Variants in ULK4 observed in about 807,000 individuals in gnomAD.
The protein encoded by ULK4 is unc-51 like kinase 4, also known as inactive serine/threonine-protein kinase ULK4.
ULK4 carries 133 observed loss-of-function variants against 160.6 expected under a neutral mutation model. That is an observed-to-expected ratio of 0.83 (90% CI 0.72 to 0.96). The LOEUF (loss-of-function observed/expected upper bound fraction) is 0.96, where lower values mean the gene tolerates loss of function less well. ULK4 is among the 40% of genes least tolerant of loss of function. The pLI is 0.00. For missense variants in ULK4, 1,580 were observed against 1,499.5 expected, an observed-to-expected ratio of 1.05 and a Z score of -0.89; for synonymous variants, 534 against 539.8, an observed-to-expected ratio of 0.99 and a Z score of 0.15.
chr3:41,555,872 C>T (rs1478057022), intron 32 of ULK4, among the ~76,000 whole-genome samples: 1 of 152,092 alleles, frequency 6.6e-6, no homozygotes, highest in African/African-American at 2.4e-5. Context: ...ATTTCCTTTG[C>T]AGGGGGACAT....
At chr3:41,310,532 C>T (rs528522509) in intron 35 of ULK4, among the ~76,000 whole-genome samples, 270 of 151,984 alleles carry the variant, frequency 1.8e-3, no homozygotes, top group Non-Finnish European at 2.9e-3. Flanking sequence ...AAAGCTCACT[C>T]GAAACATGAT....
chr3:41,307,560 G>A (rs1488293665), intron 35 of ULK4, among the ~76,000 whole-genome samples: 3 of 152,030 alleles, frequency 2.0e-5, no homozygotes, highest in African/African-American at 4.8e-5. Context: ...GGGTGTAATC[G>A]CTCACACCTG....
chr3:41,710,792 C>CAA (rs201586973), intron 25 of ULK4, among the ~76,000 whole-genome samples: 34 of 103,648 alleles, frequency 3.3e-4, no homozygotes, highest in African/African-American at 9.1e-4. Context: ...ACTCTTGTCT[C>CAA]AAAAAAAAAA....
rs547157945 is a variant in ULK4, at chr3:41,434,039, G to A, written c.3492+21458C>T. ...ACCCGGCCTATCCCAAACTTTTTGA[G>A]TGTCAATATGATACCACAAATGGAA... On this transcript the variant is annotated intron_variant, in intron 34 of 36. Coordinates refer to ENST00000301831, the MANE Select transcript of ULK4 (RefSeq NM_017886.4). Among the ~76,000 whole-genome samples the A allele has an allele frequency of 2.6e-5, 4 of 152,282 alleles. No homozygotes were observed. In the East Asian group the frequency reaches 7.7e-4, roughly 29 times the overall value.
intron 27 of ULK4, among the ~76,000 whole-genome samples, chr3:41,686,385 T>A (rs2036102069): frequency 6.6e-6 from 1 of 152,256 alleles, no homozygotes; most frequent in Non-Finnish European, 1.5e-5. Context: ...TTGTCATTGC[T>A]GTTGCCTTTG....
At position 41,892,087 on chromosome 3, in the gene ULK4, C is replaced by A. The variant is rs547008867; in HGVS notation, c.1577+3431G>T. Among the ~76,000 whole-genome samples, 4 of 152,300 alleles carry A rather than the reference C, an allele frequency of 2.6e-5. No individual in the cohort carries two copies. The South Asian group carries it at 8.3e-4, about 32-fold the overall frequency. On this transcript the variant is annotated intron_variant, in intron 16 of 36. Transcript: ENST00000301831. ...AGAAAAATTCCTCCTAAATTCATAT[C>A]TCAAAAAGGCACTTGCCACAGTAAA...
Position 41,937,850 on chromosome 3 carries a change from A to G in ULK4, c.238+248T>C, listed in dbSNP as rs9830878. 3.9e-3 allele frequency: 1,109 copies of G among 286,982 alleles called. 7 individuals are homozygous for G. Among genetic ancestry groups the G allele is most frequent in the African/African-American group, 0.022 (1,027 of 46,074 alleles). The allele number at this position is 286,982 out of a possible 1,614,324, so 17.8% of individuals were successfully genotyped here. On this transcript the variant is annotated intron_variant, in intron 3 of 36. Transcript: ENST00000301831. ...GGAAAACGTTTTTGATAAATTAATC[A>G]TCACTTTAAAACATTTCTAAATTTT...
At chr3:41,824,465 C>T (rs1057452061) in intron 18 of ULK4, among the ~76,000 whole-genome samples, 1 of 152,128 alleles carries the variant, frequency 6.6e-6, no homozygotes, top group African/African-American at 2.4e-5. Flanking sequence ...TCACTCGCAC[C>T]CTAATACTGC....
At chr3:41,518,794 C>G (rs1403095494) in intron 32 of ULK4, among the ~76,000 whole-genome samples, 2 of 152,218 alleles carry the variant, frequency 1.3e-5, no homozygotes, top group Non-Finnish European at 2.9e-5. Flanking sequence ...CTTGATTCCA[C>G]ATTTCCATCT....
rs138393928 is a variant in ULK4 at position 41,329,197 on chromosome 3, C to T, written c.3678+68882G>A. Among the ~76,000 whole-genome samples, 429 of 152,242 alleles carry T rather than the reference C, an allele frequency of 2.8e-3. 4 individuals are homozygous for T. The highest frequency in any genetic ancestry group is 9.7e-3 in the African/African-American group (402 of 41,534). ...TCAGTAAAATGCTCTTGAGATTCAT[C>T]CAAGTTGCTGCAACGTATCAATACT... On this transcript the variant is annotated intron_variant, in intron 35 of 36. Coordinates refer to ENST00000301831, the MANE Select transcript of ULK4 (RefSeq NM_017886.4).
At chr3:41,835,993 AAG>A in intron 17 of ULK4, 22 bp from the exon 18 acceptor site, 1 of 1,463,266 alleles carries the variant, frequency 6.8e-7, no homozygotes, top group Non-Finnish European at 9.5e-7. Flanking sequence ...AAAAAAAAAA[AAG>A]TAAATTATTT....
At chr3:41,601,555 C>G (rs1338999234) in intron 31 of ULK4, among the ~76,000 whole-genome samples, 1 of 152,010 alleles carries the variant, frequency 6.6e-6, no homozygotes, top group East Asian at 1.9e-4. Flanking sequence ...GTAGAGAAAT[C>G]TGAAAAACCT....
At chr3:41,895,821 A>G (rs1698132927) in intron 15 of ULK4, among the ~76,000 whole-genome samples, 1 of 152,134 alleles carries the variant, frequency 6.6e-6, no homozygotes, top group Non-Finnish European at 1.5e-5. Context: ...ATAGACACAC[A>G]CCAACTATCA....
intron 21 of ULK4, among the ~76,000 whole-genome samples, chr3:41,759,478 A>G (rs1337092125): frequency 6.6e-6 from 1 of 152,202 alleles, no homozygotes; most frequent in Admixed American, 6.5e-5. Flanking sequence ...TAGTGATTAA[A>G]GAAAACTTTT....
chr3:41,599,977 A>G (rs893286254), intron 31 of ULK4, among the ~76,000 whole-genome samples: 12 of 152,256 alleles, frequency 7.9e-5, no homozygotes, highest in Non-Finnish European at 1.3e-4. Context: ...AGCATTATCC[A>G]CTAACATTGC....
chr3:41,509,753 T>C (rs1358863598), intron 32 of ULK4, among the ~76,000 whole-genome samples: 2 of 152,222 alleles, frequency 1.3e-5, no homozygotes, highest in Non-Finnish European at 2.9e-5. Context: ...AAAGACACAG[T>C]CTTTTCCAGA....
intron 21 of ULK4, among the ~76,000 whole-genome samples, chr3:41,769,715 C>T (rs1047807882): frequency 1.3e-5 from 2 of 152,138 alleles, no homozygotes; most frequent in African/African-American, 4.8e-5. Flanking sequence ...GCTTCCACCA[C>T]AACCAAAAAT....
At chr3:41,751,389 AG>A (rs2038622134) in intron 22 of ULK4, among the ~76,000 whole-genome samples, 2 of 152,214 alleles carry the variant, frequency 1.3e-5, no homozygotes, top group Admixed American at 1.3e-4. Context: ...TGCTGAGCTT[AG>A]GAGGCCAAAG....
chr3:41,499,034 T>A (rs1696898032), intron 32 of ULK4, among the ~76,000 whole-genome samples: 1 of 152,294 alleles, frequency 6.6e-6, no homozygotes, highest in Admixed American at 6.5e-5. Flanking sequence ...TGGATAAACC[T>A]CAAAAATGCT....
Sources: allele counts gnomAD v4.1 joint callset (sites outside exome capture counted in the v4.1 genomes callset), GRCh38; gene constraint gnomAD v4.1.1; transcripts MANE v1.5; gene names NCBI Gene and HGNC (gene_info 2026-07-23, HGNC 2026-07-21).